Variants in ITIH3 observed in about 807,000 individuals in gnomAD.
The protein encoded by ITIH3 is inter-alpha-trypsin inhibitor heavy chain 3, also known as inter-alpha-trypsin inhibitor heavy chain H3.
A neutral mutation model predicts 96.5 loss-of-function variants in ITIH3; 81 were observed. The ratio of observed to expected loss-of-function variants is 0.84; its 90% CI spans 0.70 to 1.01. The LOEUF is 1.01. Ranked by LOEUF, ITIH3 falls within the 50% of genes least tolerant of loss-of-function variation. The pLI, the probability that ITIH3 is intolerant of heterozygous loss-of-function variation, is 0.00. For synonymous variants in ITIH3, 422 were observed against 445.2 expected, an observed-to-expected ratio of 0.95 and a Z score of 0.66; for missense variants, 1,057 against 1,139.3, an observed-to-expected ratio of 0.93 and a Z score of 1.04.
At position 52,802,517 on chromosome 3, in the gene ITIH3, G is replaced by A. The variant is rs74320783; in HGVS notation, c.1567G>A (p.Gly523Arg). ...CTTTAAGGCAGATGTGAAGGGCCAT[G>A]GGGTGAGTGGGGACAGGGCCTGGAA... Reference protein sequence around the residue: ...NSFKADVKGHGATNDLTFTEE... With the variant: ...NSFKADVKGHRATNDLTFTEE... The change falls in exon 12 of 22, where the codon GGG becomes AGG. Residue 523 changes from glycine (G) to arginine (R), a missense_variant and splice_region_variant. Physicochemically the swap from Gly to Arg is moderately radical, Grantham distance 125 (BLOSUM62 -2). Coordinates refer to ENST00000449956, the MANE Select transcript of ITIH3 (RefSeq NM_002217.4). The A allele has an allele frequency of 1.0e-2, 16,075 of 1,613,742 alleles. 106 individuals carry two copies. Among genetic ancestry groups the A allele is most frequent in the Non-Finnish European group, 0.012 (14,227 of 1,179,816 alleles).
In ITIH3 at chr3:52,801,002, G is replaced by A. The variant is rs1385945216; in HGVS notation, c.1239G>A (p.Arg413=). ...SRPEKIQENV[R]NAIGGKFPLY... Reference sequence around the variant, plus strand: ...CCGAAAAAATCCAAGAGAATGTGCGGAATGCCATCGGGGGCAAGTTCCCCT... The same window carrying A: ...CCGAAAAAATCCAAGAGAATGTGCGAAATGCCATCGGGGGCAAGTTCCCCT... The change falls in exon 11 of 22, where the codon CGG becomes CGA. Residue 413 remains arginine (R), a synonymous_variant. Coordinates refer to ENST00000449956, the MANE Select transcript of ITIH3 (RefSeq NM_002217.4). The A allele has an allele frequency of 1.9e-6, 3 of 1,614,058 alleles. No homozygotes were observed. In the South Asian group the frequency reaches 3.3e-5, roughly 18 times the overall value.
rs768184448 is a variant in ITIH3, at chr3:52,797,873, T to C, written c.606T>C (p.Ser202=). The change falls in exon 6 of 22, where the codon TCT becomes TCC. Residue 202 remains serine, a synonymous_variant. Coordinates refer to ENST00000449956, the MANE Select transcript of ITIH3 (RefSeq NM_002217.4). ...TCAGCATGCTGGATGCTGAGGCCTC[T>C]TTCATCACCAACGACCTCCTGGGAA... ...QGISMLDAEA[S]FITNDLLGSA... 4 of 1,610,326 alleles carry C rather than the reference T, an allele frequency of 2.5e-6. No homozygotes were observed. Among genetic ancestry groups the C allele is most frequent in the Non-Finnish European group, 2.5e-6 (3 of 1,178,656 alleles).
rs151020060 is a variant in ITIH3 at position 52,805,440 on chromosome 3, A to C, written c.1874-368A>C. ...GTGCACGTGTGGGTGGGTGTTTACTATCAAGAAGCAACAGACAGCCGTGAG... is the reference window on the plus strand; with the variant it reads ...GTGCACGTGTGGGTGGGTGTTTACTCTCAAGAAGCAACAGACAGCCGTGAG... On this transcript the variant is annotated intron_variant, in intron 15 of 21. Transcript: ENST00000449956. 9,740 of 1,075,478 alleles carry C rather than the reference A, an allele frequency of 9.1e-3. 314 individuals are homozygous for C. The South Asian group carries it at 0.11, about 13-fold the overall frequency. The allele number at this position is 1,075,478 out of a possible 1,614,324, so 66.6% of individuals were successfully genotyped here.
In ITIH3 at chr3:52,805,533, CAA is replaced by C. The variant is rs1213932318; in HGVS notation, c.1874-274_1874-273del. On this transcript the variant is annotated intron_variant, in intron 15 of 21. Transcript: ENST00000449956. Reference sequence around the variant, plus strand: ...GCAGATGTTTGCTGTGAGCATTACTCAAGAGAGAGAAGATGACTTAATGGCTT... The same window carrying C: ...GCAGATGTTTGCTGTGAGCATTACTCGAGAGAGAAGATGACTTAATGGCTT... The C allele has an allele frequency of 1.4e-5, 18 of 1,285,752 alleles. No individual in the cohort carries two copies. In the South Asian group the frequency reaches 2.3e-4, roughly 16 times the overall value. 79.6% of individuals were successfully genotyped at this position (1,285,752 alleles called of 1,614,324 possible).
At chr3:52,804,453 C>G in intron 14 of ITIH3, 1 of 484,574 alleles carries the variant, frequency 2.1e-6, no homozygotes, top group South Asian at 2.7e-5. Flanking sequence ...CAGGGGGTCC[C>G]AAATGCCCAC....
rs1217806382 is a variant in ITIH3, at chr3:52,805,643, A to G, written c.1874-165A>G. On this transcript the variant is annotated intron_variant, in intron 15 of 21. Transcript: ENST00000449956. ...CCAGCCCCATAAAGGGCTTCCCTGG[A>G]CGTGCCCGATTTCCAAAGCCTAATC... 2.1e-6 allele frequency: 3 copies of G among 1,444,104 alleles called. No homozygotes were observed. In the African/African-American group the frequency reaches 4.3e-5, roughly 21 times the overall value. 89.5% of individuals were successfully genotyped at this position (1,444,104 alleles called of 1,614,324 possible).
In ITIH3 at chr3:52,799,433, A is replaced by G; in HGVS notation, c.851A>G (p.Asn284Ser). 6.2e-7 allele frequency: 1 copy of G among 1,612,758 alleles called. No homozygotes were observed. Among genetic ancestry groups the G allele is most frequent in the Non-Finnish European group, 8.5e-7 (1 of 1,179,452 alleles). Reference protein sequence around the residue: ...APQGLPVVPKNVAFVIDISGS... With the variant: ...APQGLPVVPKSVAFVIDISGS... Reference sequence around the variant, plus strand: ...CAAGGCCTTCCAGTGGTGCCTAAGAACGTGGCCTTTGTGATTGACATCAGC... The same window carrying G: ...CAAGGCCTTCCAGTGGTGCCTAAGAGCGTGGCCTTTGTGATTGACATCAGC... The change falls in exon 8 of 22, where the codon AAC (asparagine) becomes AGC (serine). Residue 284 changes from asparagine to serine, a missense_variant. Asn to Ser is a conservative substitution (Grantham distance 46). Coordinates refer to ENST00000449956, the MANE Select transcript of ITIH3 (RefSeq NM_002217.4).
At chr3:52,802,865 C>G (rs1699890419) in intron 13 of ITIH3, 59 bp downstream of exon 13, 1 of 1,584,546 alleles carries the variant, frequency 6.3e-7, no homozygotes, top group African/African-American at 1.3e-5. Flanking sequence ...AATGCAAGGG[C>G]ACCCCCATAC....
chr3:52,796,677 G>A, intron 3 of ITIH3, 30 bp downstream of exon 3: 1 of 1,607,354 alleles, frequency 6.2e-7, no homozygotes, highest in Non-Finnish European at 8.5e-7. Flanking sequence ...CTGGCTCTGG[G>A]CTCGGGAACA....
rs373560968 is a variant in ITIH3 at position 52,808,119 on chromosome 3, T to C, written c.2441T>C (p.Phe814Ser). Residue 814 changes from phenylalanine (F) to serine (S), a missense_variant, in exon 21 of 22, where the codon TTC (phenylalanine) becomes TCC (serine). Physicochemically the swap from Phe to Ser is radical, Grantham distance 155 (BLOSUM62 -2). Transcript: ENST00000449956. ...ATATTTTTCTTCCCAGGGCAATTCTTCCAACCCTTTGACTTTAAAGTGTCT... is the reference window on the plus strand; with the variant it reads ...ATATTTTTCTTCCCAGGGCAATTCTCCCAACCCTTTGACTTTAAAGTGTCT... ...AQTHGLLGQFFQPFDFKVSDI... is the reference protein window; with the variant it reads ...AQTHGLLGQFSQPFDFKVSDI... 65 of 1,613,974 alleles carry C rather than the reference T, an allele frequency of 4.0e-5. No individual in the cohort carries two copies. Among genetic ancestry groups the C allele is most frequent in the Non-Finnish European group, 5.3e-5 (63 of 1,179,946 alleles).
intron 15 of ITIH3, 67 bp downstream of exon 15, chr3:52,804,801 T>C (rs1461937333): frequency 1.3e-6 from 2 of 1,541,818 alleles, no homozygotes; most frequent in Non-Finnish European, 1.8e-6. Flanking sequence ...TGAGGAGGCC[T>C]TTCCAAGCAA....
At chr3:52,804,196 G>T in intron 14 of ITIH3, 187 bp downstream of exon 14, 2 of 620,698 alleles carry the variant, frequency 3.2e-6, no homozygotes, top group South Asian at 3.9e-5. Flanking sequence ...GGACAGTGGG[G>T]TGTGGGGTGA....
chr3:52,798,269 GA>G (rs1699672914), intron 6 of ITIH3, among the ~76,000 whole-genome samples: 1 of 152,250 alleles, frequency 6.6e-6, no homozygotes, highest in African/African-American at 2.4e-5. Context: ...ACTCCACAAT[GA>G]GAGGTGAAAG....
Position 52,808,720 on chromosome 3 carries a change from T to C in ITIH3, c.*39T>C, listed in dbSNP as rs1700144627. Reference sequence around the variant, plus strand: ...CTCCTGTTGGGATGGATGGCCCGGATTTTATGGCATCTGGAACATGGGCAC... The same window carrying C: ...CTCCTGTTGGGATGGATGGCCCGGACTTTATGGCATCTGGAACATGGGCAC... On this transcript the variant is annotated 3_prime_UTR_variant, in exon 22 of 22. Transcript: ENST00000449956. 1.3e-6 allele frequency: 2 copies of C among 1,588,874 alleles called. No individual in the cohort carries two copies. Among genetic ancestry groups the C allele is most frequent in the African/African-American group, 2.7e-5 (2 of 74,502 alleles).
rs1377120407 is a variant in ITIH3, at chr3:52,796,594, G to A, written c.228G>A (p.Glu76=). The A allele has an allele frequency of 6.2e-7, 1 of 1,613,420 alleles. No individual in the cohort carries two copies. Among genetic ancestry groups the A allele is most frequent in the South Asian group, 1.1e-5 (1 of 90,912 alleles). The change falls in exon 3 of 22, where the codon GAG becomes GAA. Residue 76 remains glutamate, a synonymous_variant. Transcript: ENST00000449956. The part of the protein sequence containing the change: ...RAVNRADTAK[E]VSFDVELPKT... ...TCAACCGTGCAGACACGGCCAAGGA[G>A]GTTTCCTTTGATGTGGAGCTGCCCA...
rs749168067 is a variant in ITIH3 at position 52,798,996 on chromosome 3, C to A, written c.694C>A (p.Gln232Lys). ...GHVSFKPSLD[Q>K]QRSCPTCTDS... ...TGTGTCCTTCAAGCCCAGCTTAGAC[C>A]AACAGCGTTCATGCCCAACCTGTAC... The change falls in exon 7 of 22, where the codon CAA (glutamine) becomes AAA (lysine). Residue 232 changes from glutamine to lysine, a missense_variant. Gln to Lys is a moderately conservative substitution (Grantham distance 53). Transcript: ENST00000449956. 13 of 1,613,444 alleles carry A rather than the reference C, an allele frequency of 8.1e-6. No homozygotes were observed. Among genetic ancestry groups the A allele is most frequent in the Non-Finnish European group, 1.0e-5 (12 of 1,179,714 alleles).
In ITIH3 at chr3:52,808,554, G is replaced by A; in HGVS notation, c.2546G>A (p.Gly849Asp). The change falls in exon 22 of 22, where the codon GGC (glycine) becomes GAC (aspartate). Residue 849 changes from glycine to aspartate, a missense_variant and splice_region_variant. By Grantham distance (94) the Gly-to-Asp change is moderately conservative. Coordinates refer to ENST00000449956, the MANE Select transcript of ITIH3 (RefSeq NM_002217.4). ...VKNHQLIVTR[G>D]SQKDYRKDAS... ...CAGCATCTCTCTTCTTTCCCCAGGG[G>A]CTCCCAGAAAGACTACAGAAAGGAT... 5 of 1,613,602 alleles carry A rather than the reference G, an allele frequency of 3.1e-6. No individual in the cohort carries two copies. In the Middle Eastern group the frequency reaches 6.6e-4, roughly 213 times the overall value.
At chr3:52,795,656 G>T (rs1379076308) in intron 2 of ITIH3, 33 bp downstream of exon 2, 3 of 1,607,290 alleles carry the variant, frequency 1.9e-6, no homozygotes, top group Non-Finnish European at 2.6e-6. Flanking sequence ...GGGACCGAGT[G>T]GGGCAGGGCA....
At position 52,804,020 on chromosome 3, in the gene ITIH3, G is replaced by A. The variant is rs766727533; in HGVS notation, c.1864+11G>A. 2 of 1,610,746 alleles carry A rather than the reference G, an allele frequency of 1.2e-6. No homozygotes were observed. The highest frequency in any genetic ancestry group is 1.1e-5 in the South Asian group (1 of 90,294). On this transcript the variant is annotated intron_variant, in intron 14 of 21. Transcript: ENST00000449956. ...ACAAGCCTGGGGAAGGTGGGGATAG[G>A]GATGGAGGCCGGAACCCGGAGGCCT...
Sources: gnomAD v4.1 joint callset for allele counts (sites outside exome capture counted in the v4.1 genomes callset) on GRCh38, gnomAD v4.1.1 for gene constraint, MANE v1.5 for transcripts, NCBI Gene and HGNC (gene_info 2026-07-23, HGNC 2026-07-21) for gene names.